Variants in TRPC7 observed in about 807,000 individuals in gnomAD.
The protein encoded by TRPC7 is transient receptor potential cation channel subfamily C member 7, also known as short transient receptor potential channel 7.
TRPC7 carries 42 observed loss-of-function variants against 90.1 expected under a neutral mutation model. The ratio of observed to expected loss-of-function variants is 0.47; its 90% CI spans 0.36 to 0.60. TRPC7 has a LOEUF of 0.60. TRPC7 is among the 20% of genes least tolerant of loss of function. The probability of loss-of-function intolerance (pLI) is 0.00; values close to 1 mark genes in which losing one functional copy is unlikely to be tolerated. For missense variants in TRPC7, 955 were observed against 1,112.3 expected, an observed-to-expected ratio of 0.86 and a Z score of 2.01; for synonymous variants, 451 against 436.3, an observed-to-expected ratio of 1.03 and a Z score of -0.42.
chr5:136,281,517 C>G (rs1757549587), intron 3 of TRPC7, among the ~76,000 whole-genome samples: 1 of 152,180 alleles, frequency 6.6e-6, no homozygotes, highest in East Asian at 1.9e-4. Context: ...GCAGCAGTTC[C>G]CTGAGCCTGA....
Position 136,345,809 on chromosome 5 carries a change from C to T in TRPC7, c.780+10799G>A, listed in dbSNP as rs557235260. Among the ~76,000 whole-genome samples the T allele has an allele frequency of 3.9e-5, 6 of 152,254 alleles. No homozygotes were observed. The East Asian group carries it at 1.2e-3, about 29-fold the overall frequency. Reference sequence around the variant, plus strand: ...TCCTGAATGGTATTGCCTAGGTTTTCTTCCAGGGTTTTTATGGTTTTAAGT... The same window carrying T: ...TCCTGAATGGTATTGCCTAGGTTTTTTTCCAGGGTTTTTATGGTTTTAAGT... On this transcript the variant is annotated intron_variant, in intron 2 of 11. Coordinates refer to ENST00000513104, the MANE Select transcript of TRPC7 (RefSeq NM_020389.3).
At chr5:136,336,011 C>T (rs938051990) in intron 2 of TRPC7, among the ~76,000 whole-genome samples, 2 of 150,936 alleles carry the variant, frequency 1.3e-5, no homozygotes, top group African/African-American at 4.9e-5. Context: ...ACAAACCCAA[C>T]TTCCCTCCTG....
chr5:136,258,559 C>T (rs1020448552), intron 5 of TRPC7, among the ~76,000 whole-genome samples: 1 of 152,100 alleles, frequency 6.6e-6, no homozygotes, highest in African/African-American at 2.4e-5. Context: ...AACAAGGTCA[C>T]TAATAATTAA....
At chr5:136,235,124 A>G (rs916939881) in intron 7 of TRPC7, among the ~76,000 whole-genome samples, 1 of 152,268 alleles carries the variant, frequency 6.6e-6, no homozygotes, top group Non-Finnish European at 1.5e-5. Flanking sequence ...GTACACATGA[A>G]AAACATAATA....
At chr5:136,234,089 GTC>G (rs1263381693) in intron 7 of TRPC7, among the ~76,000 whole-genome samples, 1 of 152,118 alleles carries the variant, frequency 6.6e-6, no homozygotes, top group Non-Finnish European at 1.5e-5. Flanking sequence ...TCAATTTGTT[GTC>G]TGTCTTCCAG....
At chr5:136,258,568 A>T (rs968860043) in intron 5 of TRPC7, among the ~76,000 whole-genome samples, 1 of 152,192 alleles carries the variant, frequency 6.6e-6, no homozygotes, top group Non-Finnish European at 1.5e-5. Context: ...ACTAATAATT[A>T]AGGAGGGGTG....
chr5:136,251,774 G>A lies in TRPC7; in HGVS notation c.1454C>T (p.Ser485Phe). Residue 485 changes from serine to phenylalanine, a missense_variant, in exon 6 of 12, where the codon TCC (serine) becomes TTC (phenylalanine). Ser to Phe is a radical substitution (Grantham distance 155). This residue lies in a region of TRPC7 where 484 missense variants were observed against 509.6 expected (regional missense o/e 0.95). Transcript: ENST00000513104. ...DFGMLSIFVASFTARFMAFLK... is the reference protein window; with the variant it reads ...DFGMLSIFVAFFTARFMAFLK... ...GAAGGCCATGAAGCGTGCTGTGAAG[G>A]AGGCCACGAAGATGGACAGCATCCC... The A allele has an allele frequency of 6.2e-7, 1 of 1,613,998 alleles. No individual in the cohort carries two copies. Among genetic ancestry groups the A allele is most frequent in the East Asian group, 2.2e-5 (1 of 44,884 alleles).
chr5:136,339,965 T>TAA (rs11481505), intron 2 of TRPC7, among the ~76,000 whole-genome samples: 2 of 151,602 alleles, frequency 1.3e-5, no homozygotes, highest in African/African-American at 2.4e-5. Flanking sequence ...TCAGGTGCAT[T>TAA]AAAAAAATAA....
intron 2 of TRPC7, among the ~76,000 whole-genome samples, chr5:136,341,693 C>A (rs945564912): frequency 3.9e-5 from 6 of 152,096 alleles, no homozygotes; most frequent in African/African-American, 1.4e-4. Flanking sequence ...ATGATTTCTT[C>A]ATTTATCCCT....
intron 3 of TRPC7, among the ~76,000 whole-genome samples, chr5:136,308,813 G>A (rs750647911): frequency 1.3e-5 from 2 of 152,204 alleles, no homozygotes; most frequent in Non-Finnish European, 2.9e-5. Context: ...CCAGCAGACT[G>A]AGAAACTTAT....
intron 3 of TRPC7, among the ~76,000 whole-genome samples, chr5:136,278,570 C>A (rs1757445214): frequency 6.6e-6 from 1 of 152,188 alleles, no homozygotes; most frequent in African/African-American, 2.4e-5. Flanking sequence ...TAAGAAACAA[C>A]AACAACTTCC....
intron 5 of TRPC7, among the ~76,000 whole-genome samples, chr5:136,260,364 G>A (rs985522123): frequency 6.6e-6 from 1 of 152,196 alleles, no homozygotes; most frequent in African/African-American, 2.4e-5. Context: ...GTAGGGGTGG[G>A]AGGACTTGCA....
intron 5 of TRPC7, among the ~76,000 whole-genome samples, chr5:136,261,474 G>T (rs1370520980): frequency 2.0e-5 from 3 of 152,112 alleles, no homozygotes; most frequent in Admixed American, 6.5e-5. Flanking sequence ...TCCTGCTAAG[G>T]CCAAGTCCTC....
At chr5:136,284,779 G>C (rs192115148) in intron 3 of TRPC7, among the ~76,000 whole-genome samples, 20 of 152,310 alleles carry the variant, frequency 1.3e-4, no homozygotes, top group African/African-American at 4.8e-4. Context: ...GAGTTGTGAA[G>C]GCTACACCCA....
At chr5:136,259,694 A>G (rs1756795268) in intron 5 of TRPC7, among the ~76,000 whole-genome samples, 1 of 152,218 alleles carries the variant, frequency 6.6e-6, no homozygotes, top group Non-Finnish European at 1.5e-5. Context: ...AATGCAAGCA[A>G]CAAAGACAGA....
chr5:136,301,361 AAC>A (rs1758379946), intron 3 of TRPC7, among the ~76,000 whole-genome samples: 3 of 61,078 alleles, frequency 4.9e-5, no homozygotes, highest in African/African-American at 5.6e-5. Context: ...TTTTTTTTTT[AAC>A]AAATCATAGT....
intron 3 of TRPC7, among the ~76,000 whole-genome samples, chr5:136,276,477 A>G (rs1757369804): frequency 6.6e-6 from 1 of 152,248 alleles, no homozygotes. Context: ...AGCAATATAA[A>G]TAGAGCTATT....
At chr5:136,233,005 C>T (rs1437757890) in intron 7 of TRPC7, among the ~76,000 whole-genome samples, 1 of 152,128 alleles carries the variant, frequency 6.6e-6, no homozygotes, top group Non-Finnish European at 1.5e-5. Context: ...GTACTCGTCA[C>T]TTGGGCTAAA....
intron 2 of TRPC7, among the ~76,000 whole-genome samples, chr5:136,339,932 C>A (rs1187235964): frequency 2.0e-5 from 3 of 151,398 alleles, no homozygotes; most frequent in Non-Finnish European, 4.4e-5. Context: ...AAAAATAAAG[C>A]CATAGAAATA....
Sources: gnomAD v4.1 joint callset for allele counts (sites outside exome capture counted in the v4.1 genomes callset) on GRCh38, gnomAD v4.1.1 for gene constraint, gnomAD v4.1.1 regional missense constraint, MANE v1.5 for transcripts, NCBI Gene and HGNC (gene_info 2026-07-23, HGNC 2026-07-21) for gene names.